Variants in ADAMTSL1 observed in about 807,000 individuals in gnomAD.
ADAMTSL1 encodes ADAMTS like 1, also known as ADAMTS-like protein 1.
A neutral mutation model predicts 201.8 loss-of-function variants in ADAMTSL1; 126 were observed. The observed-to-expected ratio is 0.62, with a 90% CI of 0.54 to 0.72. The LOEUF is 0.72. ADAMTSL1 is among the 30% of genes least tolerant of loss of function. The pLI is 0.00. For missense variants in ADAMTSL1, 2,679 were observed against 2,277.8 expected (o/e 1.18, Z -3.59); for synonymous variants, 1,121 against 903.4 (o/e 1.24, Z -4.32).
rs1472457935 is a variant in ADAMTSL1 at position 18,768,232 on chromosome 9, GC to G, written c.2218-2367del. The stretch of plus-strand genomic sequence containing the variant: ...AGGCTTGGTGCTGATCAGGCTGGGA[GC>G]CCTCCTCATGAAGCAACGGTCACAC... On this transcript the variant is annotated intron_variant, in intron 16 of 28. Coordinates refer to ENST00000380548, the MANE Select transcript of ADAMTSL1 (RefSeq NM_001040272.6). 2.0e-5 allele frequency among the ~76,000 whole-genome samples: 3 copies of G among 152,286 alleles called. No individual in the cohort carries two copies. In the East Asian group the frequency reaches 5.8e-4, roughly 29 times the overall value.
chr9:17,976,474 T>C (rs756250787), intron 1 of ADAMTSL1, among the ~76,000 whole-genome samples: 1 of 152,048 alleles, frequency 6.6e-6, no homozygotes, highest in African/African-American at 2.4e-5. Flanking sequence ...AGTATCACAT[T>C]CTTTTTGATA....
intron 2 of ADAMTSL1, among the ~76,000 whole-genome samples, chr9:18,406,389 C>T (rs1414398497): frequency 6.8e-6 from 1 of 147,758 alleles, no homozygotes; most frequent in East Asian, 2.0e-4. Flanking sequence ...AGTGCGGTGG[C>T]ATGATCTCGG....
At chr9:18,606,227 G>A (rs1248680595) in intron 4 of ADAMTSL1, among the ~76,000 whole-genome samples, 2 of 152,116 alleles carry the variant, frequency 1.3e-5, no homozygotes, top group Non-Finnish European at 2.9e-5. Flanking sequence ...CTGAAGCCAA[G>A]CTATAGGCAA....
intron 3 of ADAMTSL1, among the ~76,000 whole-genome samples, chr9:18,541,357 A>G (rs905518046): frequency 5.9e-5 from 9 of 152,144 alleles, no homozygotes; most frequent in African/African-American, 1.9e-4. Context: ...TAAAAATATA[A>G]AAATTATCTT....
chr9:18,065,008 T>A (rs1184238490), intron 1 of ADAMTSL1, among the ~76,000 whole-genome samples: 3 of 123,862 alleles, frequency 2.4e-5, no homozygotes, highest in African/African-American at 9.3e-5. Flanking sequence ...TGAATAAACC[T>A]GGGAACAAGG....
At chr9:18,689,616 G>T (rs1831089816) in intron 13 of ADAMTSL1, among the ~76,000 whole-genome samples, 1 of 152,214 alleles carries the variant, frequency 6.6e-6, no homozygotes, top group Non-Finnish European at 1.5e-5. Flanking sequence ...GGTAGAGAAA[G>T]TGAGGACCAG....
At chr9:18,665,038 G>T (rs144484467) in intron 9 of ADAMTSL1, among the ~76,000 whole-genome samples, 2 of 151,936 alleles carry the variant, frequency 1.3e-5, no homozygotes, top group Admixed American at 6.6e-5. Flanking sequence ...TTGTACTACC[G>T]AAGTAAATGC....
chr9:18,315,190 T>TGGTGATTGGA (rs1834331283), intron 2 of ADAMTSL1, among the ~76,000 whole-genome samples: 6 of 151,800 alleles, frequency 4.0e-5, no homozygotes, highest in African/African-American at 7.3e-5. Context: ...AGACACAGAG[T>TGGTGATTGGA]GCTGATTGGA....
chr9:18,452,307 C>A (rs1820438888), intron 2 of ADAMTSL1, among the ~76,000 whole-genome samples: 1 of 152,184 alleles, frequency 6.6e-6, no homozygotes, highest in African/African-American at 2.4e-5. Flanking sequence ...ACCTTCATGA[C>A]CTAATCACCT....
intron 1 of ADAMTSL1, among the ~76,000 whole-genome samples, chr9:18,100,504 G>C (rs1275537071): frequency 1.3e-5 from 2 of 152,142 alleles, no homozygotes; most frequent in Admixed American, 6.5e-5. Flanking sequence ...TCTTGCATCA[G>C]CGTAGTTTTT....
Position 18,457,828 on chromosome 9 carries a change from G to A in ADAMTSL1, c.208-47001G>A, listed in dbSNP as rs113747559. On this transcript the variant is annotated intron_variant, in intron 2 of 29. Transcript: ENST00000680146. ...AATTCCTAATTGCAGTTTTCTATAT[G>A]CATATTATACTTCAATACAAAGTTA... Among the ~76,000 whole-genome samples the A allele has an allele frequency of 7.1e-3, 1,081 of 152,270 alleles. 11 individuals carry two copies. Among genetic ancestry groups the A allele is most frequent in the Middle Eastern group, 0.017 (5 of 294 alleles).
intron 1 of ADAMTSL1, among the ~76,000 whole-genome samples, chr9:18,154,953 CAGAG>C (rs1245145212): frequency 3.9e-5 from 6 of 151,924 alleles, no homozygotes; most frequent in Non-Finnish European, 8.8e-5. Context: ...TTACATTTTT[CAGAG>C]ACAAGGCCAT....
chr9:18,249,944 T>G lies in ADAMTSL1; in HGVS notation c.207+85963T>G, dbSNP rs118145508. 9.1e-3 allele frequency among the ~76,000 whole-genome samples: 1,382 copies of G among 152,302 alleles called. 10 individuals are homozygous for G. Among genetic ancestry groups the G allele is most frequent in the Non-Finnish European group, 0.011 (781 of 68,020 alleles). On this transcript the variant is annotated intron_variant, in intron 2 of 29. Coordinates refer to the ADAMTSL1 transcript ENST00000680146. ...CCTGAGGTATTCCCCAATGGAATCA[T>G]GTACTATGAGACTCCTCAAAAATAT...
chr9:18,297,904 T>C (rs1307763424), intron 2 of ADAMTSL1, among the ~76,000 whole-genome samples: 1 of 152,234 alleles, frequency 6.6e-6, no homozygotes, highest in Non-Finnish European at 1.5e-5. Context: ...TGGTATCCTT[T>C]TGGAGCTGGG....
At chr9:18,316,585 G>T (rs148124543) in intron 2 of ADAMTSL1, among the ~76,000 whole-genome samples, 3,213 of 152,130 alleles carry the variant, frequency 0.021, 105 homozygotes, top group African/African-American at 0.072. Context: ...AGAGTTTAAG[G>T]TTATCTCTCT....
At chr9:18,066,765 A>C in intron 1 of ADAMTSL1, among the ~76,000 whole-genome samples, 1 of 152,242 alleles carries the variant, frequency 6.6e-6, no homozygotes, top group East Asian at 1.9e-4. Flanking sequence ...AGACTGGATT[A>C]AGAAAATGTG....
chr9:18,352,792 A>T (rs1162633957), intron 2 of ADAMTSL1, among the ~76,000 whole-genome samples: 1 of 152,198 alleles, frequency 6.6e-6, no homozygotes, highest in Non-Finnish European at 1.5e-5. Flanking sequence ...ATGCAGGAAA[A>T]ATACGTTTTT....
At chr9:18,262,699 A>G (rs904081532) in intron 2 of ADAMTSL1, among the ~76,000 whole-genome samples, 2 of 152,222 alleles carry the variant, frequency 1.3e-5, no homozygotes, top group Non-Finnish European at 2.9e-5. Context: ...CTCCAAAAAT[A>G]TTTCAAATAG....
chr9:17,982,234 T>G (rs540069678), intron 1 of ADAMTSL1, among the ~76,000 whole-genome samples: 45 of 152,280 alleles, frequency 3.0e-4, no homozygotes, highest in Non-Finnish European at 5.4e-4. Flanking sequence ...CCATGAAAAT[T>G]TTATAGCATT....
Sources: allele counts gnomAD v4.1 joint callset (sites outside exome capture counted in the v4.1 genomes callset), GRCh38; gene constraint gnomAD v4.1.1; transcripts MANE v1.5; gene names NCBI Gene and HGNC (gene_info 2026-07-23, HGNC 2026-07-21).